Variants in LYN observed in about 807,000 individuals in gnomAD.
The protein encoded by LYN is tyrosine-protein kinase Lyn.
In LYN, 12 loss-of-function variants were observed where a neutral mutation model predicts 65.0. The observed-to-expected ratio is 0.18, with a 90% CI of 0.12 to 0.30. The LOEUF is 0.30. LYN is among the 10% of genes least tolerant of loss of function. The probability of loss-of-function intolerance (pLI) is 1.00; values close to 1 mark genes in which losing one functional copy is unlikely to be tolerated. For missense variants in LYN, 380 were observed against 623.2 expected (o/e 0.61, Z 4.16); for synonymous variants, 222 against 221.2 (o/e 1.00, Z -0.03).
chr8:55,951,936 A>C, intron 6 of LYN, 30 bp from the exon 7 acceptor site: 1 of 1,596,076 alleles, frequency 6.3e-7, no homozygotes, highest in Non-Finnish European at 8.5e-7. Flanking sequence ...TGTGAGATAT[A>C]AACATTTACT....
intron 8 of LYN, among the ~76,000 whole-genome samples, chr8:55,960,312 C>T (rs1256266069): frequency 1.3e-5 from 2 of 151,874 alleles, no homozygotes; most frequent in African/African-American, 4.8e-5. Context: ...CATTGATCAC[C>T]GTTCATTTTT....
intron 9 of LYN, among the ~76,000 whole-genome samples, chr8:55,969,386 C>T (rs1030149853): frequency 2.6e-5 from 4 of 152,154 alleles, no homozygotes; most frequent in Admixed American, 6.5e-5. Flanking sequence ...CCAGTGAGCT[C>T]GCTAAAGATT....
Position 55,982,967 on chromosome 8 carries a change from C to T in LYN, c.1050+13174C>T, listed in dbSNP as rs558205385. Among the ~76,000 whole-genome samples the T allele has an allele frequency of 7.2e-5, 11 of 152,110 alleles. No individual in the cohort carries two copies. In the East Asian group the frequency reaches 1.9e-3, roughly 27 times the overall value. On this transcript the variant is annotated intron_variant, in intron 10 of 12. Coordinates refer to ENST00000519728, the MANE Select transcript of LYN (RefSeq NM_002350.4). Reference sequence around the variant, plus strand: ...CCTCCGCTCCTGCTTCTCTTCTCTCCTCCCCTAGCTTGGAGACACTCATTG... The same window carrying T: ...CCTCCGCTCCTGCTTCTCTTCTCTCTTCCCCTAGCTTGGAGACACTCATTG...
At chr8:55,996,538 T>TTGCCCTTTTTCTTGCTTCTTACTTCC (rs1808375667) in intron 10 of LYN, among the ~76,000 whole-genome samples, 1 of 152,202 alleles carries the variant, frequency 6.6e-6, no homozygotes, top group African/African-American at 2.4e-5. Context: ...TCTTTACTTC[T>TTGCCCTTTTTCTTGCTTCTTACTTCC]TGCCCTTTTT....
At chr8:56,007,993 C>G (rs1050120681) in intron 12 of LYN, among the ~76,000 whole-genome samples, 4 of 151,760 alleles carry the variant, frequency 2.6e-5, no homozygotes, top group African/African-American at 9.7e-5. Context: ...GTAGTGGGCA[C>G]CTGTAATCCC....
chr8:55,924,065 C>T lies in LYN; in HGVS notation c.-5-17790C>T, dbSNP rs73682015. Among the ~76,000 whole-genome samples the T allele has an allele frequency of 3.4e-3, 453 of 135,128 alleles. 3 individuals are homozygous for T. The highest frequency in any genetic ancestry group is 0.011 in the African/African-American group (408 of 35,958). 88.6% of individuals were successfully genotyped at this position (135,128 alleles called of 152,430 possible). ...TGGTACTTGTTTTTTCTTTTTCTTTCTTTTTTTTTTTTATTATAGCAACCA... is the reference window on the plus strand; with the variant it reads ...TGGTACTTGTTTTTTCTTTTTCTTTTTTTTTTTTTTTTATTATAGCAACCA... On this transcript the variant is annotated intron_variant, in intron 1 of 12. Coordinates refer to ENST00000519728, the MANE Select transcript of LYN (RefSeq NM_002350.4).
At chr8:55,914,175 G>A (rs16922398) in intron 1 of LYN, among the ~76,000 whole-genome samples, 7,396 of 151,884 alleles carry the variant, frequency 0.049, 600 homozygotes, top group African/African-American at 0.17. Context: ...ATAAGAGAAA[G>A]GCAGGCCAGG....
At chr8:55,903,464 A>G (rs1805335426) in intron 1 of LYN, among the ~76,000 whole-genome samples, 1 of 152,234 alleles carries the variant, frequency 6.6e-6, no homozygotes, top group African/African-American at 2.4e-5. Context: ...AAACTTCAAC[A>G]AGAGACTAAA....
intron 1 of LYN, among the ~76,000 whole-genome samples, chr8:55,913,625 G>A (rs543269181): frequency 7.2e-5 from 11 of 152,198 alleles, no homozygotes; most frequent in Non-Finnish European, 1.5e-5. Context: ...GTAAACGCCC[G>A]TAATGGGCTT....
At chr8:55,931,857 T>A (rs1806280368) in intron 1 of LYN, among the ~76,000 whole-genome samples, 2 of 152,218 alleles carry the variant, frequency 1.3e-5, no homozygotes, top group South Asian at 4.1e-4. Flanking sequence ...AATATTATTT[T>A]TATTTAAAAA....
rs1316149015 is a variant in LYN, at chr8:55,994,121, T to TCAA, written c.1051-4215_1051-4213dup. On this transcript the variant is annotated intron_variant, in intron 10 of 12. Coordinates refer to ENST00000519728, the MANE Select transcript of LYN (RefSeq NM_002350.4). ...CTTAGCCGTAGTAAATAGACCACCT[T>TCAA]CAACAACAACAAATTAAGGTTTTAA... 2.6e-5 allele frequency among the ~76,000 whole-genome samples: 4 copies of TCAA among 151,974 alleles called. No homozygotes were observed. The East Asian group carries it at 7.7e-4, about 29-fold the overall frequency.
At chr8:55,992,342 C>T (rs1034339680) in intron 10 of LYN, among the ~76,000 whole-genome samples, 6 of 152,170 alleles carry the variant, frequency 3.9e-5, no homozygotes, top group Admixed American at 3.9e-4. Context: ...TCCCCTGCCT[C>T]CAAGCCATGA....
intron 1 of LYN, among the ~76,000 whole-genome samples, chr8:55,928,957 G>A (rs1474026759): frequency 6.6e-6 from 1 of 152,052 alleles, no homozygotes; most frequent in Non-Finnish European, 1.5e-5. Context: ...TGTAATAGAT[G>A]TAAGATCCGG....
chr8:55,925,412 T>A (rs1461257184), intron 1 of LYN, among the ~76,000 whole-genome samples: 1 of 152,240 alleles, frequency 6.6e-6, no homozygotes, highest in Non-Finnish European at 1.5e-5. Context: ...TCCGAGCCAC[T>A]GCGCTCCACC....
Position 56,013,025 on chromosome 8 carries a change from C to T in LYN, c.*2915C>T, listed in dbSNP as rs1808858268. 1 of 152,236 alleles carries T rather than the reference C, an allele frequency of 6.6e-6. No homozygotes were observed. Among genetic ancestry groups the T allele is most frequent in the Non-Finnish European group, 1.5e-5 (1 of 68,080 alleles). The allele number at this position is 152,236 out of a possible 1,614,324, so 9.4% of individuals were successfully genotyped here. ...CATACCTCCTGAGGTTCCACAGAATCCCCTTGCAGAAAGTACTTCTGATGA... is the reference window on the plus strand; with the variant it reads ...CATACCTCCTGAGGTTCCACAGAATTCCCTTGCAGAAAGTACTTCTGATGA... On this transcript the variant is annotated 3_prime_UTR_variant, in exon 13 of 13. Coordinates refer to ENST00000519728, the MANE Select transcript of LYN (RefSeq NM_002350.4).
At chr8:55,880,280 T>A (rs963368007) in intron 1 of LYN, among the ~76,000 whole-genome samples, 177 bp downstream of exon 1, 5 of 151,366 alleles carry the variant, frequency 3.3e-5, no homozygotes, top group African/African-American at 1.2e-4. Context: ...CGGCGAAGGC[T>A]CTTAGATGTC....
intron 3 of LYN, among the ~76,000 whole-genome samples, chr8:55,947,328 G>A (rs377203010): frequency 1.3e-5 from 2 of 152,318 alleles, no homozygotes; most frequent in East Asian, 3.9e-4. Context: ...CCACATCTTG[G>A]CTATTTTGAA....
intron 1 of LYN, among the ~76,000 whole-genome samples, chr8:55,924,100 C>G (rs1442175812): frequency 6.6e-6 from 1 of 151,036 alleles, no homozygotes; most frequent in African/African-American, 2.4e-5. Context: ...ACAGAAAACC[C>G]AGTTTTACAA....
Position 56,005,571 on chromosome 8 carries a change from A to G in LYN, c.1337-4337A>G, listed in dbSNP as rs200111319. Among the ~76,000 whole-genome samples, 6 of 152,294 alleles carry G rather than the reference A, an allele frequency of 3.9e-5. No homozygotes were observed. The East Asian group carries it at 5.8e-4, about 15-fold the overall frequency. On this transcript the variant is annotated intron_variant, in intron 12 of 12. Coordinates refer to ENST00000519728, the MANE Select transcript of LYN (RefSeq NM_002350.4). ...CCCTCTCTGCAGGCACGTTGGTTGC[A>G]CTTTCTTCCTCTTGGCTCAGACCAC...
Sources: gnomAD v4.1 joint callset for allele counts (sites outside exome capture counted in the v4.1 genomes callset) on GRCh38, gnomAD v4.1.1 for gene constraint, MANE v1.5 for transcripts, NCBI Gene and HGNC (gene_info 2026-07-23, HGNC 2026-07-21) for gene names.